Variants in CSMD1 observed in about 807,000 individuals in gnomAD.
CSMD1 encodes CUB and Sushi multiple domains 1, also known as CUB and sushi domain-containing protein 1.
CSMD1 carries 213 observed loss-of-function variants against 417.5 expected under a neutral mutation model. The observed-to-expected ratio is 0.51, with a 90% CI of 0.46 to 0.57. The LOEUF (loss-of-function observed/expected upper bound fraction) is 0.57. CSMD1 is among the 20% of genes least tolerant of loss of function. The probability of loss-of-function intolerance (pLI) is 0.00; values close to 1 mark genes in which losing one functional copy is unlikely to be tolerated. For synonymous variants in CSMD1, 2,862 were observed against 1,736.8 expected, an observed-to-expected ratio of 1.65 and a Z score of -16.11; for missense variants, 6,923 against 4,529.7, an observed-to-expected ratio of 1.53 and a Z score of -15.17.
intron 2 of CSMD1, among the ~76,000 whole-genome samples, chr8:4,443,319 TAG>T (rs1798591352): frequency 6.6e-6 from 1 of 152,212 alleles, no homozygotes. Context: ...TAACTTATTT[TAG>T]AGAAAGTCTA....
At chr8:3,541,550 G>C (rs10101494) in intron 10 of CSMD1, among the ~76,000 whole-genome samples, 5,992 of 147,662 alleles carry the variant, frequency 0.041, 347 homozygotes, top group African/African-American at 0.13. Flanking sequence ...AAAAAAATAT[G>C]AGAATAAATT....
intron 1 of CSMD1, among the ~76,000 whole-genome samples, chr8:4,945,218 T>C (rs1808289495): frequency 6.6e-6 from 1 of 151,988 alleles, no homozygotes; most frequent in Non-Finnish European, 1.5e-5. Context: ...AGATAGAAAG[T>C]AGAATGGTGA....
At chr8:3,483,823 G>T (rs1396255786) in intron 11 of CSMD1, among the ~76,000 whole-genome samples, 1 of 152,048 alleles carries the variant, frequency 6.6e-6, no homozygotes, top group African/African-American at 2.4e-5. Context: ...TTTTATGAAA[G>T]GCTGAGTCAA....
chr8:4,243,225 A>C (rs17069716), intron 3 of CSMD1, among the ~76,000 whole-genome samples: 8,242 of 152,112 alleles, frequency 0.054, 767 homozygotes, highest in African/African-American at 0.19. Context: ...CTATTAGGAG[A>C]GTCAGGAAAG....
chr8:3,411,345 C>G lies in CSMD1; in HGVS notation c.1562-1740G>C, dbSNP rs528341724. Among the ~76,000 whole-genome samples the G allele has an allele frequency of 1.4e-4, 21 of 150,442 alleles. No individual in the cohort carries two copies. The South Asian group carries it at 4.4e-3, about 31-fold the overall frequency. The stretch of plus-strand genomic sequence containing the variant: ...TTCTTTGTGGGGTATTTTTTAGTAA[C>G]CTAACTACTTCCTTTCCTTTTCTTT... On this transcript the variant is annotated intron_variant, in intron 12 of 69. Coordinates refer to ENST00000635120, the MANE Select transcript of CSMD1 (RefSeq NM_033225.6).
intron 3 of CSMD1, among the ~76,000 whole-genome samples, chr8:4,287,349 T>G (rs1797115406): frequency 6.6e-6 from 1 of 152,234 alleles, no homozygotes. Flanking sequence ...TGATACTTTT[T>G]AAGAAAGCAC....
At position 4,704,044 on chromosome 8, in the gene CSMD1, T is replaced by C. The variant is rs116476166; in HGVS notation, c.86-66486A>G. 2.6e-3 allele frequency among the ~76,000 whole-genome samples: 403 copies of C among 152,302 alleles called. 5 individuals are homozygous for C. Among genetic ancestry groups the C allele is most frequent in the African/African-American group, 9.4e-3 (392 of 41,570 alleles). On this transcript the variant is annotated intron_variant, in intron 1 of 69. Coordinates refer to ENST00000635120, the MANE Select transcript of CSMD1 (RefSeq NM_033225.6). ...AGACGAGGCGGATCTCAGGCAGTAA[T>C]GCTGGTTCCCTGGCTGCTCACCTCC...
intron 3 of CSMD1, among the ~76,000 whole-genome samples, chr8:4,207,550 A>T (rs903293225): frequency 1.3e-5 from 2 of 152,158 alleles, no homozygotes; most frequent in African/African-American, 4.8e-5. Context: ...CCATCAATAG[A>T]AAATAATGTT....
intron 5 of CSMD1, among the ~76,000 whole-genome samples, chr8:3,931,382 T>A (rs984836781): frequency 6.6e-6 from 1 of 150,706 alleles, no homozygotes; most frequent in Non-Finnish European, 1.5e-5. Flanking sequence ...TCTATTTGAA[T>A]GTCACATTCA....
chr8:4,590,080 A>G (rs916149800), intron 2 of CSMD1, among the ~76,000 whole-genome samples: 4 of 152,194 alleles, frequency 2.6e-5, no homozygotes, highest in Non-Finnish European at 5.9e-5. Flanking sequence ...ACATGTATTT[A>G]TGAAATCTTC....
At position 3,628,681 on chromosome 8, in the gene CSMD1, G is replaced by C. The variant is rs115413755; in HGVS notation, c.1010-11884C>G. Among the ~76,000 whole-genome samples the C allele has an allele frequency of 7.9e-3, 1,206 of 152,074 alleles. 16 individuals carry two copies. Among genetic ancestry groups the C allele is most frequent in the African/African-American group, 0.027 (1,131 of 41,472 alleles). The stretch of plus-strand genomic sequence containing the variant: ...GCATCCTCACAGGCGCCCCGAGAAG[G>C]GGCAGACTCACAGAAAGAAGTGTAG... On this transcript the variant is annotated intron_variant, in intron 7 of 69. Coordinates refer to ENST00000635120, the MANE Select transcript of CSMD1 (RefSeq NM_033225.6).
At chr8:3,431,336 C>T (rs117761370) in intron 12 of CSMD1, among the ~76,000 whole-genome samples, 16 of 152,302 alleles carry the variant, frequency 1.1e-4, no homozygotes, top group Admixed American at 7.2e-4. Context: ...TACAGAAAGG[C>T]AGTAACTTGG....
chr8:4,888,728 G>A (rs1030507786), intron 1 of CSMD1, among the ~76,000 whole-genome samples: 1 of 152,084 alleles, frequency 6.6e-6, no homozygotes, highest in Non-Finnish European at 1.5e-5. Context: ...GGAAAGTGCA[G>A]GCCAAGCCTG....
intron 10 of CSMD1, among the ~76,000 whole-genome samples, chr8:3,564,685 T>C (rs1038225509): frequency 2.6e-5 from 4 of 151,774 alleles, no homozygotes; most frequent in Admixed American, 6.6e-5. Context: ...AGAAAATCAA[T>C]CCAGCAGAAA....
rs150713755 is a variant in CSMD1 at position 4,027,480 on chromosome 8, G to C, written c.610+4425C>G. Among the ~76,000 whole-genome samples, 7 of 152,250 alleles carry C rather than the reference G, an allele frequency of 4.6e-5. No homozygotes were observed. The East Asian group carries it at 1.2e-3, about 25-fold the overall frequency. On this transcript the variant is annotated intron_variant, in intron 4 of 69. Transcript: ENST00000635120. ...CTTGTGACAGTGGGTGAGTTCTCAT[G>C]AGATATGATGGCTTTATAAGGGTCT...
At chr8:3,462,881 C>A (rs538678579) in intron 12 of CSMD1, among the ~76,000 whole-genome samples, 13 of 152,248 alleles carry the variant, frequency 8.5e-5, no homozygotes, top group African/African-American at 3.1e-4. Context: ...TGATGGTTTT[C>A]AGAGATGGGC....
At chr8:4,466,907 AGT>A (rs1446313380) in intron 2 of CSMD1, among the ~76,000 whole-genome samples, 1 of 151,992 alleles carries the variant, frequency 6.6e-6, no homozygotes, top group Non-Finnish European at 1.5e-5. Context: ...GAAATTTTAC[AGT>A]GTGTTTTTAC....
intron 5 of CSMD1, among the ~76,000 whole-genome samples, chr8:3,849,971 A>G (rs1207195641): frequency 6.7e-6 from 1 of 149,928 alleles, no homozygotes; most frequent in Admixed American, 6.6e-5. Context: ...ACCCACTACC[A>G]TGCTCGGCTA....
intron 49 of CSMD1, among the ~76,000 whole-genome samples, chr8:3,063,647 T>C (rs1170129356): frequency 6.6e-6 from 1 of 152,168 alleles, no homozygotes; most frequent in Non-Finnish European, 1.5e-5. Flanking sequence ...TATTACTCAG[T>C]CTTAAAAAGG....
Sources: allele counts gnomAD v4.1 joint callset (sites outside exome capture counted in the v4.1 genomes callset), GRCh38; gene constraint gnomAD v4.1.1; transcripts MANE v1.5; gene names NCBI Gene and HGNC (gene_info 2026-07-23, HGNC 2026-07-21).